Variants in TMC1 observed in about 807,000 individuals in gnomAD.
TMC1 encodes transmembrane channel-like protein 1.
TMC1 carries 84 observed loss-of-function variants against 105.8 expected under a neutral mutation model. The observed-to-expected ratio is 0.79, with a 90% CI of 0.67 to 0.95. TMC1 has a LOEUF of 0.95. Ranked by LOEUF, TMC1 falls within the 40% of genes least tolerant of loss-of-function variation. The pLI is 0.00. For missense variants in TMC1, 817 were observed against 914.1 expected (o/e 0.89, Z 1.37); for synonymous variants, 315 against 311.5 (o/e 1.01, Z -0.12).
chr9:72,628,799 G>T (rs999937928), intron 4 of TMC1, among the ~76,000 whole-genome samples: 1 of 152,102 alleles, frequency 6.6e-6, no homozygotes, highest in Non-Finnish European at 1.5e-5. Flanking sequence ...CTTGCCTTTG[G>T]AAAGTATAAT....
intron 5 of TMC1, among the ~76,000 whole-genome samples, chr9:72,687,230 G>T (rs748094376): frequency 6.6e-6 from 1 of 152,118 alleles, no homozygotes; most frequent in African/African-American, 2.4e-5. Flanking sequence ...CGCAAAGTAG[G>T]CTGTGGGTCA....
rs138057751 is a variant in TMC1, at chr9:72,721,279, C to T, written c.363-18840C>T. Among the ~76,000 whole-genome samples, 17 of 152,280 alleles carry T rather than the reference C, an allele frequency of 1.1e-4. No individual in the cohort carries two copies. The East Asian group carries it at 1.4e-3, about 12-fold the overall frequency. Reference sequence around the variant, plus strand: ...ACAAGATGTAAATTCTCCTTTACAACCTTTACCAGCTGAGAGCCTGCTTCA... The same window carrying T: ...ACAAGATGTAAATTCTCCTTTACAATCTTTACCAGCTGAGAGCCTGCTTCA... On this transcript the variant is annotated intron_variant, in intron 8 of 23. Coordinates refer to ENST00000297784, the MANE Select transcript of TMC1 (RefSeq NM_138691.3).
chr9:72,559,180 C>T (rs1475916980), intron 1 of TMC1, among the ~76,000 whole-genome samples: 3 of 151,830 alleles, frequency 2.0e-5, no homozygotes, highest in African/African-American at 4.8e-5. Context: ...CTGCAACCTC[C>T]GCCTCCTGGG....
intron 8 of TMC1, among the ~76,000 whole-genome samples, chr9:72,725,325 G>GTATATGTA (rs1827097090): frequency 5.1e-5 from 4 of 77,682 alleles, no homozygotes; most frequent in Non-Finnish European, 1.1e-4. Context: ...ATGTGTGTAT[G>GTATATGTA]TATATATATA....
intron 1 of TMC1, among the ~76,000 whole-genome samples, chr9:72,540,613 A>G (rs1468031170): frequency 2.0e-5 from 3 of 151,816 alleles, no homozygotes; most frequent in African/African-American, 2.4e-5. Flanking sequence ...TGTCTTTGCA[A>G]TCTGTCTCTG....
intron 8 of TMC1, among the ~76,000 whole-genome samples, chr9:72,727,905 T>C (rs1225916645): frequency 2.0e-5 from 3 of 152,122 alleles, no homozygotes; most frequent in Non-Finnish European, 4.4e-5. Context: ...ATCATTTTCA[T>C]AGAGCTTAAA....
At chr9:72,780,521 A>C (rs1188377063) in intron 13 of TMC1, among the ~76,000 whole-genome samples, 1 of 152,220 alleles carries the variant, frequency 6.6e-6, no homozygotes, top group Non-Finnish European at 1.5e-5. Context: ...GACCCATCTC[A>C]CATGCAGTGA....
At chr9:72,818,022 T>C (rs1412553519) in intron 19 of TMC1, among the ~76,000 whole-genome samples, 1 of 152,150 alleles carries the variant, frequency 6.6e-6, no homozygotes, top group Non-Finnish European at 1.5e-5. Flanking sequence ...ATTCTTTTCC[T>C]AACCCTAGGA....
At chr9:72,606,947 A>ATATGTATGTATG (rs35412597) in intron 2 of TMC1, among the ~76,000 whole-genome samples, 1 of 148,062 alleles carries the variant, frequency 6.8e-6, no homozygotes, top group African/African-American at 2.5e-5. Context: ...AGGTTTATAT[A>ATATGTATGTATG]TATGTATGTA....
At chr9:72,788,581 C>A in intron 14 of TMC1, 98 bp downstream of exon 14, 2 of 1,280,530 alleles carry the variant, frequency 1.6e-6, no homozygotes, top group Non-Finnish European at 2.3e-6. Flanking sequence ...TGACAATTTA[C>A]ATGAAAGATT....
intron 14 of TMC1, 52 bp downstream of exon 14, chr9:72,788,535 T>C (rs1564554454): frequency 6.3e-7 from 1 of 1,593,388 alleles, no homozygotes; most frequent in African/African-American, 1.3e-5. Flanking sequence ...AGAGTAAAAT[T>C]GGAGGCATTC....
At chr9:72,706,699 T>A (rs542886186) in intron 8 of TMC1, among the ~76,000 whole-genome samples, 2 of 152,346 alleles carry the variant, frequency 1.3e-5, no homozygotes, top group Non-Finnish European at 1.5e-5. Context: ...CTGAATTACT[T>A]CACTTAGAAT....
rs114158162 is a variant in TMC1, at chr9:72,603,303, C to G, written c.-305-13065C>G. On this transcript the variant is annotated intron_variant, in intron 2 of 23. Transcript: ENST00000297784. ...GCTTTTTTATTGCTTAGTTTTCTGG[C>G]TCTTTGCCTATTCTGCTCTCCCTAC... Among the ~76,000 whole-genome samples the G allele has an allele frequency of 4.3e-3, 655 of 152,114 alleles. 4 individuals are homozygous for G. The highest frequency in any genetic ancestry group is 0.014 in the African/African-American group (587 of 41,512).
chr9:72,629,789 C>T (rs1463209879), intron 4 of TMC1, among the ~76,000 whole-genome samples: 1 of 152,124 alleles, frequency 6.6e-6, no homozygotes, highest in Admixed American at 6.6e-5. Flanking sequence ...AGAAATTCTA[C>T]ATTTGGGATG....
At chr9:72,570,277 T>C (rs369201368) in intron 1 of TMC1, among the ~76,000 whole-genome samples, 28 of 147,740 alleles carry the variant, frequency 1.9e-4, no homozygotes, top group African/African-American at 6.6e-4. Flanking sequence ...TAAATACTTA[T>C]ATACAAATTT....
intron 10 of TMC1, among the ~76,000 whole-genome samples, chr9:72,746,803 A>G (rs987809481): frequency 1.3e-5 from 2 of 152,166 alleles, no homozygotes; most frequent in Non-Finnish European, 2.9e-5. Context: ...CCTGCCACAG[A>G]GGATACTGTG....
intron 8 of TMC1, among the ~76,000 whole-genome samples, chr9:72,706,256 A>G (rs1826735116): frequency 6.6e-6 from 1 of 152,158 alleles, no homozygotes; most frequent in Non-Finnish European, 1.5e-5. Context: ...GGCAAGAATC[A>G]TGGTTTATAC....
At chr9:72,757,980 G>A (rs1827698901) in intron 12 of TMC1, among the ~76,000 whole-genome samples, 1 of 152,146 alleles carries the variant, frequency 6.6e-6, no homozygotes, top group Admixed American at 6.6e-5. Context: ...GTAAATAAAA[G>A]TATTCTGACC....
chr9:72,563,307 A>G (rs6560289), intron 1 of TMC1, among the ~76,000 whole-genome samples: 80,466 of 151,926 alleles, frequency 0.53, 22,398 homozygotes, highest in African/African-American at 0.71. Flanking sequence ...AAATTGTTCA[A>G]CCATCATCAG....
Sources: allele counts gnomAD v4.1 joint callset (sites outside exome capture counted in the v4.1 genomes callset), GRCh38; gene constraint gnomAD v4.1.1; transcripts MANE v1.5; gene names NCBI Gene and HGNC (gene_info 2026-07-23, HGNC 2026-07-21).